SPAG16: variants seen among roughly 807,000 people sequenced by gnomAD.
SPAG16 encodes sperm-associated antigen 16 protein.
Under a neutral mutation model 80.4 loss-of-function variants are expected in SPAG16, and 86 were observed. The ratio of observed to expected loss-of-function variants is 1.07; its 90% CI spans 0.90 to 1.28. SPAG16 has a LOEUF of 1.28. SPAG16 is among the 50% of genes most tolerant of loss of function. The pLI, the probability that SPAG16 is intolerant of heterozygous loss-of-function variation, is 0.00. For synonymous variants in SPAG16, 294 were observed against 265.9 expected (o/e 1.11, Z -1.03); for missense variants, 870 against 765.3 (o/e 1.14, Z -1.61).
At chr2:213,448,954 G>A (rs1308501049) in intron 9 of SPAG16, among the ~76,000 whole-genome samples, 2 of 152,008 alleles carry the variant, frequency 1.3e-5, no homozygotes, top group African/African-American at 4.8e-5. Flanking sequence ...CAGTGGGGTC[G>A]GGCAAAAAGG....
chr2:214,088,117 G>A (rs981654859), intron 13 of SPAG16, among the ~76,000 whole-genome samples: 4 of 151,932 alleles, frequency 2.6e-5, no homozygotes, highest in Non-Finnish European at 4.4e-5. Flanking sequence ...CAAAGGAATC[G>A]CTATGTGGAA....
chr2:214,074,111 C>G (rs1452336818), intron 13 of SPAG16, among the ~76,000 whole-genome samples: 1 of 152,174 alleles, frequency 6.6e-6, no homozygotes, highest in Admixed American at 6.5e-5. Context: ...CTCTCACTCT[C>G]TGCTATGTGA....
chr2:213,683,314 G>A, intron 10 of SPAG16, among the ~76,000 whole-genome samples: 1 of 152,140 alleles, frequency 6.6e-6, no homozygotes, highest in East Asian at 1.9e-4. Context: ...ACTTTGGGAG[G>A]TTAAGCCGGG....
chr2:214,061,249 A>C (rs991178058), intron 13 of SPAG16, among the ~76,000 whole-genome samples: 1 of 152,156 alleles, frequency 6.6e-6, no homozygotes, highest in African/African-American at 2.4e-5. Flanking sequence ...CAGTGCCAAA[A>C]GCTGAGATAT....
Position 214,368,092 on chromosome 2 carries a change from A to G in SPAG16, c.1721-42048A>G, listed in dbSNP as rs1012762513. Among the ~76,000 whole-genome samples, 6 of 152,128 alleles carry G rather than the reference A, an allele frequency of 3.9e-5. No homozygotes were observed. In the East Asian group the frequency reaches 9.6e-4, roughly 24 times the overall value. ...ACAGCTTGAACTTTCTATGAAGTCTACGGAGCCTCCTCTTTAGTTACATAA... is the reference window on the plus strand; with the variant it reads ...ACAGCTTGAACTTTCTATGAAGTCTGCGGAGCCTCCTCTTTAGTTACATAA... On this transcript the variant is annotated intron_variant, in intron 15 of 15. Coordinates refer to ENST00000331683, the MANE Select transcript of SPAG16 (RefSeq NM_024532.5).
At chr2:213,973,420 C>T (rs1163515345) in intron 12 of SPAG16, among the ~76,000 whole-genome samples, 1 of 151,980 alleles carries the variant, frequency 6.6e-6, no homozygotes, top group Non-Finnish European at 1.5e-5. Flanking sequence ...GAAACAAGAA[C>T]ATTATGTCAG....
intron 10 of SPAG16, among the ~76,000 whole-genome samples, chr2:213,656,649 T>G (rs2063234103): frequency 6.6e-6 from 1 of 152,196 alleles, no homozygotes; most frequent in Non-Finnish European, 1.5e-5. Flanking sequence ...GATTTTTGGT[T>G]TTGCTCAACT....
chr2:213,654,062 G>A (rs1181653385), intron 10 of SPAG16, among the ~76,000 whole-genome samples: 1 of 152,090 alleles, frequency 6.6e-6, no homozygotes, highest in Non-Finnish European at 1.5e-5. Context: ...GTTGATGATT[G>A]CAGGTTTGTA....
At chr2:214,268,937 G>T (rs1691790992) in intron 15 of SPAG16, among the ~76,000 whole-genome samples, 2 of 151,930 alleles carry the variant, frequency 1.3e-5, no homozygotes, top group African/African-American at 2.4e-5. Context: ...ATGTTACTAA[G>T]TTCTACCAAT....
chr2:214,110,390 G>A (rs1262571977), intron 14 of SPAG16, among the ~76,000 whole-genome samples: 1 of 151,318 alleles, frequency 6.6e-6, no homozygotes, highest in Admixed American at 6.6e-5. Flanking sequence ...TGCGGTGTTT[G>A]GTTTTCTGTC....
chr2:213,299,216 T>G (rs181594784), intron 3 of SPAG16, among the ~76,000 whole-genome samples: 93 of 152,298 alleles, frequency 6.1e-4, no homozygotes, highest in Non-Finnish European at 2.4e-4. Flanking sequence ...TAATGTAAAT[T>G]ATCTTATTTG....
Position 213,505,644 on chromosome 2 carries a change from G to A in SPAG16, c.1070+15554G>A, listed in dbSNP as rs375483982. On this transcript the variant is annotated intron_variant, in intron 10 of 15. Coordinates refer to ENST00000331683, the MANE Select transcript of SPAG16 (RefSeq NM_024532.5). ...TAGAGATAATGATGTTTAATTGGGT[G>A]TTTTTCTTTTAAAATGAAAATGAGT... Among the ~76,000 whole-genome samples the A allele has an allele frequency of 5.3e-5, 8 of 152,086 alleles. No homozygotes were observed. The South Asian group carries it at 1.7e-3, about 32-fold the overall frequency.
At chr2:213,427,442 G>T (rs1056779074) in intron 9 of SPAG16, among the ~76,000 whole-genome samples, 2 of 152,038 alleles carry the variant, frequency 1.3e-5, no homozygotes, top group African/African-American at 4.8e-5. Context: ...ATTAGTAACT[G>T]GGATTTTTTT....
intron 10 of SPAG16, among the ~76,000 whole-genome samples, chr2:213,536,898 G>A (rs886907133): frequency 6.6e-6 from 1 of 151,926 alleles, no homozygotes; most frequent in Admixed American, 6.6e-5. Flanking sequence ...CAATAGCAAA[G>A]ACTTGGAACC....
chr2:214,232,617 T>G (rs1376379360), intron 15 of SPAG16, among the ~76,000 whole-genome samples: 2 of 152,158 alleles, frequency 1.3e-5, no homozygotes, highest in South Asian at 2.1e-4. Flanking sequence ...TTGGATTTAC[T>G]CAATTTATTC....
chr2:214,254,811 T>C (rs2125857420), intron 15 of SPAG16, among the ~76,000 whole-genome samples: 1 of 152,120 alleles, frequency 6.6e-6, no homozygotes, highest in East Asian at 1.9e-4. Context: ...TTTTATTTTC[T>C]AATTTTGAGA....
chr2:213,540,539 T>TTCTTTTCA (rs1251433966), intron 10 of SPAG16, among the ~76,000 whole-genome samples: 2 of 152,210 alleles, frequency 1.3e-5, no homozygotes, highest in African/African-American at 4.8e-5. Context: ...CTGTCATTAT[T>TTCTTTTCA]TCTTTTCATC....
chr2:213,577,323 C>G (rs2060161652), intron 10 of SPAG16, among the ~76,000 whole-genome samples: 1 of 152,124 alleles, frequency 6.6e-6, no homozygotes, highest in Admixed American at 6.6e-5. Flanking sequence ...TCATCTTACC[C>G]TTGAGTTCAA....
intron 10 of SPAG16, among the ~76,000 whole-genome samples, chr2:213,702,455 G>A (rs1399504128): frequency 2.0e-5 from 3 of 152,192 alleles, no homozygotes; most frequent in African/African-American, 4.8e-5. Flanking sequence ...TCTGAGGCCA[G>A]TGAGACCACG....
Sources: allele counts gnomAD v4.1 joint callset (sites outside exome capture counted in the v4.1 genomes callset), GRCh38; gene constraint gnomAD v4.1.1; transcripts MANE v1.5; gene names NCBI Gene and HGNC (gene_info 2026-07-23, HGNC 2026-07-21).